LDLRAD4: variants seen among roughly 807,000 people sequenced by gnomAD.
LDLRAD4 encodes low-density lipoprotein receptor class A domain-containing protein 4.
In LDLRAD4, 5 loss-of-function variants were observed where a neutral mutation model predicts 17.0. The ratio of observed to expected loss-of-function variants is 0.29; its 90% confidence interval spans 0.15 to 0.62. The LOEUF (loss-of-function observed/expected upper bound fraction) is 0.62, where lower values mean the gene tolerates loss of function less well. LDLRAD4 is among the 20% of genes least tolerant of loss of function. The probability of loss-of-function intolerance (pLI) is 0.84; values close to 1 mark genes in which losing one functional copy is unlikely to be tolerated. For missense variants in LDLRAD4, 340 were observed against 424.7 expected (o/e 0.80, Z 1.75); for synonymous variants, 168 against 171.8 (o/e 0.98, Z 0.17).
chr18:13,631,665 C>A (rs1413781681), intron 4 of LDLRAD4, among the ~76,000 whole-genome samples: 1 of 152,218 alleles, frequency 6.6e-6, no homozygotes, highest in Non-Finnish European at 1.5e-5. Context: ...CAGTGACTCA[C>A]ACCTGTAATC....
At chr18:13,358,524 T>G (rs1171363173) in intron 1 of LDLRAD4, among the ~76,000 whole-genome samples, 1 of 152,184 alleles carries the variant, frequency 6.6e-6, no homozygotes, top group African/African-American at 2.4e-5. Context: ...ATTTTATTAT[T>G]ACTCATTTGA....
At chr18:13,619,551 G>A (rs1267041370) in intron 3 of LDLRAD4, among the ~76,000 whole-genome samples, 2 of 151,312 alleles carry the variant, frequency 1.3e-5, no homozygotes, top group South Asian at 2.1e-4. Context: ...AAGTGTGGCA[G>A]CTCCAATGGA....
At chr18:13,441,672 A>G (rs1225449092) in intron 3 of LDLRAD4, among the ~76,000 whole-genome samples, 1 of 152,234 alleles carries the variant, frequency 6.6e-6, no homozygotes, top group Non-Finnish European at 1.5e-5. Context: ...GATATTTGCT[A>G]AATTTCAGCA....
Position 13,380,531 on chromosome 18 carries a change from C to A in LDLRAD4, c.-382-6810C>A, listed in dbSNP as rs180773829. ...CAGGGGTCGGATATATGACTCCTTG[C>A]GGCTTCCTCTGCTGCTAGATCATAT... On this transcript the variant is annotated intron_variant, in intron 1 of 5. Transcript: ENST00000359446. Among the ~76,000 whole-genome samples the A allele has an allele frequency of 7.2e-5, 11 of 152,294 alleles. No homozygotes were observed. The East Asian group carries it at 1.5e-3, about 21-fold the overall frequency.
intron 1 of LDLRAD4, among the ~76,000 whole-genome samples, chr18:13,323,186 G>C (rs2081347592): frequency 6.6e-6 from 1 of 152,180 alleles, no homozygotes; most frequent in African/African-American, 2.4e-5. Flanking sequence ...TAAAAGATAG[G>C]TCTTTATCCA....
intron 1 of LDLRAD4, among the ~76,000 whole-genome samples, chr18:13,320,196 C>T (rs1244190663): frequency 6.6e-6 from 1 of 152,198 alleles, no homozygotes; most frequent in East Asian, 1.9e-4. Flanking sequence ...AATGCTGCGC[C>T]TCTGAGGGAA....
At chr18:13,234,320 C>T (rs750809507) in intron 1 of LDLRAD4, among the ~76,000 whole-genome samples, 7 of 152,230 alleles carry the variant, frequency 4.6e-5, no homozygotes, top group Admixed American at 3.3e-4. Flanking sequence ...TGGGTGCGCA[C>T]ATTAGTCGCC....
intron 3 of LDLRAD4, chr18:13,519,872 A>G (rs1181623734): frequency 6.6e-6 from 1 of 152,220 alleles, no homozygotes; most frequent in Non-Finnish European, 1.5e-5. Context: ...TTTCATTTTC[A>G]TGAGCTTCAA....
At chr18:13,403,635 G>A (rs2087433145) in intron 2 of LDLRAD4, among the ~76,000 whole-genome samples, 1 of 152,228 alleles carries the variant, frequency 6.6e-6, no homozygotes, top group Non-Finnish European at 1.5e-5. Context: ...GATGGTGAAT[G>A]TGTGGTTTGG....
intron 1 of LDLRAD4, among the ~76,000 whole-genome samples, chr18:13,332,979 T>A (rs2081941979): frequency 6.6e-6 from 1 of 152,230 alleles, no homozygotes; most frequent in African/African-American, 2.4e-5. Context: ...TTAGTTTTTT[T>A]AAGAATCTGT....
At chr18:13,429,085 A>T (rs2090146701) in intron 2 of LDLRAD4, among the ~76,000 whole-genome samples, 1 of 152,216 alleles carries the variant, frequency 6.6e-6, no homozygotes, top group African/African-American at 2.4e-5. Context: ...CAGGGAGTGG[A>T]GGAGGAGCTG....
chr18:13,259,140 G>T (rs747314554), intron 1 of LDLRAD4, among the ~76,000 whole-genome samples: 5 of 152,164 alleles, frequency 3.3e-5, no homozygotes, highest in Non-Finnish European at 7.3e-5. Flanking sequence ...AGGGGAATTT[G>T]CATAGTTTGT....
intron 3 of LDLRAD4, among the ~76,000 whole-genome samples, chr18:13,465,985 A>G (rs951503727): frequency 6.6e-6 from 1 of 152,184 alleles, no homozygotes; most frequent in Non-Finnish European, 1.5e-5. Flanking sequence ...GTGTTACTCC[A>G]GGAGGGCAGA....
At chr18:13,438,286 G>A (rs1195324454) in exon 3 of LDLRAD4, 2 of 1,613,952 alleles carry the variant, frequency 1.2e-6, no homozygotes, top group Admixed American at 1.7e-5. Context: ...TTGTATCTTG[G>A]TTCGCTGGTC....
At chr18:13,473,979 C>T (rs1364244046) in intron 3 of LDLRAD4, among the ~76,000 whole-genome samples, 1 of 151,936 alleles carries the variant, frequency 6.6e-6, no homozygotes, top group Non-Finnish European at 1.5e-5. Flanking sequence ...GGGGTGGTTT[C>T]TTGTGAATGA....
At chr18:13,248,240 C>T (rs1005942236) in intron 1 of LDLRAD4, among the ~76,000 whole-genome samples, 4 of 152,220 alleles carry the variant, frequency 2.6e-5, no homozygotes, top group South Asian at 2.1e-4. Context: ...GGACTACAGG[C>T]GCGAGCCACC....
intron 3 of LDLRAD4, among the ~76,000 whole-genome samples, chr18:13,565,757 T>G (rs1345317087): frequency 1.3e-5 from 2 of 152,170 alleles, no homozygotes; most frequent in African/African-American, 4.8e-5. Context: ...GCACCTCACT[T>G]TGTGTGTGGA....
chr18:13,444,296 T>C (rs879905040), intron 3 of LDLRAD4, among the ~76,000 whole-genome samples: 5 of 152,206 alleles, frequency 3.3e-5, no homozygotes, highest in Non-Finnish European at 5.9e-5. Context: ...ATTTGGGGAT[T>C]GTCAATGACC....
chr18:13,408,328 C>T (rs2087963779), intron 2 of LDLRAD4, among the ~76,000 whole-genome samples: 1 of 141,654 alleles, frequency 7.1e-6, no homozygotes, highest in South Asian at 2.2e-4. Context: ...GACCCATGAT[C>T]ATGCCACTGC....
Sources: allele counts gnomAD v4.1 joint callset (sites outside exome capture counted in the v4.1 genomes callset), GRCh38; gene constraint gnomAD v4.1.1; transcripts MANE v1.5; gene names NCBI Gene and HGNC (gene_info 2026-07-23, HGNC 2026-07-21).